AKAP19: variants seen among roughly 807,000 people sequenced by gnomAD.
The protein encoded by AKAP19 is A-kinase anchoring protein 19, also known as small A-kinase anchoring protein.
chr2:189,926,141 T>C, the AKAP19 span, among the ~76,000 whole-genome samples: 5 of 152,212 alleles, frequency 3.3e-5, no homozygotes, highest in South Asian at 2.1e-4. Flanking sequence ...GCAAGAGATA[T>C]AGGCATTTTT....
chr2:190,182,419 T>A, the AKAP19 span, among the ~76,000 whole-genome samples: 1 of 152,218 alleles, frequency 6.6e-6, no homozygotes, highest in East Asian at 1.9e-4. Flanking sequence ...TTTTGTCTCC[T>A]TTGCTTGACA....
chr2:189,944,170 C>T, the AKAP19 span, among the ~76,000 whole-genome samples: 3 of 152,236 alleles, frequency 2.0e-5, no homozygotes, highest in Admixed American at 6.5e-5. Flanking sequence ...CCAGATCTCA[C>T]GTTGAATTGT....
At chr2:190,177,529 C>G in the AKAP19 span, among the ~76,000 whole-genome samples, 1 of 152,188 alleles carries the variant, frequency 6.6e-6, no homozygotes, top group African/African-American at 2.4e-5. This position sits in a 1 kb window ranked among gnomAD's most constrained non-coding sequence, Gnocchi z 4.6. Flanking sequence ...GCTTAGAGTA[C>G]TTTTAGAAAG....
At chr2:190,083,928 C>G in the AKAP19 span, among the ~76,000 whole-genome samples, 1 of 152,122 alleles carries the variant, frequency 6.6e-6, no homozygotes, top group Non-Finnish European at 1.5e-5. Flanking sequence ...AGTTACGGAT[C>G]TTGACTTCAA....
the AKAP19 span, among the ~76,000 whole-genome samples, chr2:189,927,804 G>A: frequency 6.6e-6 from 1 of 152,078 alleles, no homozygotes; most frequent in African/African-American, 2.4e-5. Flanking sequence ...AGCCATATGT[G>A]GCTATTTAAA....
the AKAP19 span, among the ~76,000 whole-genome samples, chr2:190,042,077 G>A: frequency 6.6e-6 from 1 of 152,126 alleles, no homozygotes; most frequent in African/African-American, 2.4e-5. Context: ...TTTTGGAAGA[G>A]CTTCTTTAGA....
the AKAP19 span, among the ~76,000 whole-genome samples, chr2:190,176,130 G>A: frequency 6.6e-6 from 1 of 152,314 alleles, no homozygotes; most frequent in Admixed American, 6.5e-5. This position sits in a 1 kb window ranked among gnomAD's most constrained non-coding sequence, Gnocchi z 4.7. Context: ...GAATGGGCTA[G>A]AACAGCAACT....
At chr2:189,939,630 C>T in the AKAP19 span, among the ~76,000 whole-genome samples, 1 of 152,022 alleles carries the variant, frequency 6.6e-6, no homozygotes, top group African/African-American at 2.4e-5. Context: ...ACTAATCATT[C>T]AAAATACAGT....
the AKAP19 span, among the ~76,000 whole-genome samples, chr2:190,176,100 T>C: frequency 6.6e-6 from 1 of 152,256 alleles, no homozygotes; most frequent in East Asian, 1.9e-4. The surrounding 1 kb of genome is among the most constrained non-coding windows in gnomAD (Gnocchi z 4.7). Context: ...TTGTCTTAGG[T>C]ATTCTGTCAC....
the AKAP19 span, among the ~76,000 whole-genome samples, chr2:189,928,817 T>C: frequency 6.6e-6 from 1 of 152,148 alleles, no homozygotes. Context: ...CAGCTCAACA[T>C]AAAATAATAA....
chr2:190,173,128 T>C, the AKAP19 span, among the ~76,000 whole-genome samples: 3 of 150,410 alleles, frequency 2.0e-5, no homozygotes, highest in East Asian at 5.9e-4. Flanking sequence ...AAAAATAAAA[T>C]AAAATAAAAA....
At chr2:189,987,170 C>A in the AKAP19 span, among the ~76,000 whole-genome samples, 1 of 152,076 alleles carries the variant, frequency 6.6e-6, no homozygotes, top group Non-Finnish European at 1.5e-5. Context: ...TCATGGGGGC[C>A]GGTCTTTCCA....
At chr2:189,914,103 A>G in the AKAP19 span, among the ~76,000 whole-genome samples, 3,004 of 152,164 alleles carry the variant, frequency 0.02, 110 homozygotes, top group African/African-American at 0.068. Flanking sequence ...GTTTTAAAGC[A>G]ATATGTTAAT....
chr2:190,117,765 A>G, the AKAP19 span, among the ~76,000 whole-genome samples: 71 of 152,382 alleles, frequency 4.7e-4, 2 homozygotes, highest in South Asian at 0.015. Context: ...AAAGCCAGAT[A>G]TATGAGGAGA....
At chr2:190,196,277 G>A in the AKAP19 span, among the ~76,000 whole-genome samples, 6 of 151,780 alleles carry the variant, frequency 4.0e-5, no homozygotes, top group East Asian at 1.2e-3. Flanking sequence ...TTTTCAGATT[G>A]GACACATCTA....
chr2:190,114,605 G>T, the AKAP19 span, among the ~76,000 whole-genome samples: 2 of 152,142 alleles, frequency 1.3e-5, no homozygotes, highest in Non-Finnish European at 2.9e-5. Flanking sequence ...ACAGGCACCC[G>T]CCACCATGCC....
chr2:190,128,442 A>G, the AKAP19 span, among the ~76,000 whole-genome samples: 4 of 152,214 alleles, frequency 2.6e-5, no homozygotes, highest in South Asian at 2.1e-4. Context: ...CAGCTAATCT[A>G]TGGTCTTGAC....
chr2:189,996,092 C>T, the AKAP19 span, among the ~76,000 whole-genome samples: 3 of 152,138 alleles, frequency 2.0e-5, no homozygotes, highest in Admixed American at 1.3e-4. Context: ...ATCTTTTGCA[C>T]TGAATTTCCG....
At chr2:189,994,641 C>T in the AKAP19 span, among the ~76,000 whole-genome samples, 1 of 151,738 alleles carries the variant, frequency 6.6e-6, no homozygotes, top group South Asian at 2.1e-4. Flanking sequence ...TTCTGTCACC[C>T]AAGCTGGAGT....
Sources: gnomAD v4.1 joint callset for allele counts (sites outside exome capture counted in the v4.1 genomes callset) on GRCh38, gnomAD v4.1.1 for gene constraint, Gnocchi (gnomAD v3.1) non-coding constraint, MANE v1.5 for transcripts, NCBI Gene and HGNC (gene_info 2026-07-23, HGNC 2026-07-21) for gene names.